The following BANK1 variants were observed in gnomAD, a reference collection of about 807,000 sequenced individuals.
BANK1 encodes B-cell scaffold protein with ankyrin repeats.
In BANK1, 95 loss-of-function variants were observed where a neutral mutation model predicts 94.5. The observed-to-expected ratio is 1.00, with a 90% CI of 0.85 to 1.19. The LOEUF (loss-of-function observed/expected upper bound fraction) is 1.19. Ranked by LOEUF, BANK1 falls within the 50% of genes most tolerant of loss-of-function variation. BANK1 has a pLI of 0.00. For synonymous variants in BANK1, 334 were observed against 308.4 expected, an observed-to-expected ratio of 1.08 and a Z score of -0.87; for missense variants, 987 against 932.2, an observed-to-expected ratio of 1.06 and a Z score of -0.77.
chr4:101,927,527 G>A (rs186704018), intron 7 of BANK1, among the ~76,000 whole-genome samples: 2 of 151,744 alleles, frequency 1.3e-5, no homozygotes, highest in African/African-American at 4.8e-5. Context: ...TACTCCCATA[G>A]TCCAGATGAT....
intron 2 of BANK1, among the ~76,000 whole-genome samples, chr4:101,839,969 TTTTTTTTTTTTTTTTTTG>T (rs2148867261): frequency 1.4e-5 from 1 of 71,222 alleles, no homozygotes; most frequent in African/African-American, 5.2e-5. Flanking sequence ...TTTTTTTTTT[TTTTTTTTTTTTTTTTTTG>T]AGACAGAGTC....
intron 1 of BANK1, among the ~76,000 whole-genome samples, chr4:101,804,082 G>A (rs944241991): frequency 6.8e-6 from 1 of 147,012 alleles, no homozygotes; most frequent in Admixed American, 6.8e-5. Context: ...AAATTATGTC[G>A]ATACTAGTCT....
chr4:101,826,400 T>TA (rs1726366894), intron 1 of BANK1, among the ~76,000 whole-genome samples: 1 of 152,034 alleles, frequency 6.6e-6, no homozygotes, highest in Admixed American at 6.5e-5. Flanking sequence ...CATTAGTACT[T>TA]ACTTAAGAGT....
chr4:101,933,969 G>T (rs1354289950), intron 7 of BANK1, among the ~76,000 whole-genome samples: 1 of 151,416 alleles, frequency 6.6e-6, no homozygotes, highest in Non-Finnish European at 1.5e-5. Flanking sequence ...CTGCCAAACA[G>T]ACAAACAAAA....
At chr4:101,935,399 G>A (rs568395938) in intron 7 of BANK1, among the ~76,000 whole-genome samples, 1 of 151,614 alleles carries the variant, frequency 6.6e-6, no homozygotes, top group South Asian at 2.1e-4. Context: ...TGGCTCATTA[G>A]TGGGGCACTG....
At chr4:101,911,872 A>G (rs1171338051) in intron 6 of BANK1, among the ~76,000 whole-genome samples, 1 of 152,194 alleles carries the variant, frequency 6.6e-6, no homozygotes, top group Non-Finnish European at 1.5e-5. Context: ...CTCTGGACCA[A>G]CACACAAATT....
rs10559889 is a variant in BANK1 at position 102,002,544 on chromosome 4, TACACACACACACACACACAC to T, written c.1207-18944_1207-18925del. 4.1e-5 allele frequency among the ~76,000 whole-genome samples: 6 copies of T among 148,134 alleles called. No individual in the cohort carries two copies. In the South Asian group the frequency reaches 8.6e-4, roughly 21 times the overall value. On this transcript the variant is annotated intron_variant, in intron 7 of 16. Coordinates refer to ENST00000322953, the MANE Select transcript of BANK1 (RefSeq NM_017935.5). ...TGATGGTAGACAATATTAATACAAA[TACACACACACACACACACAC>T]ACACACACACACACACACACACACA...
chr4:102,032,712 G>A lies in BANK1; in HGVS notation c.1900+2447G>A, dbSNP rs771617322. Among the ~76,000 whole-genome samples the A allele has an allele frequency of 1.7e-4, 26 of 151,854 alleles. No homozygotes were observed. In the Middle Eastern group the frequency reaches 0.01, roughly 60 times the overall value. On this transcript the variant is annotated intron_variant, in intron 10 of 16. Coordinates refer to ENST00000322953, the MANE Select transcript of BANK1 (RefSeq NM_017935.5). The stretch of plus-strand genomic sequence containing the variant: ...AGCCTGGCTAACATGATGAAACCCC[G>A]TCTCTACTAAAAATACAAAAAAGTT...
chr4:102,034,302 A>G (rs1727423741), intron 10 of BANK1, among the ~76,000 whole-genome samples: 1 of 152,218 alleles, frequency 6.6e-6, no homozygotes, highest in Non-Finnish European at 1.5e-5. Flanking sequence ...AGGCAAAGGA[A>G]AACCATGCTG....
intron 13 of BANK1, among the ~76,000 whole-genome samples, chr4:102,063,498 C>A (rs943574740): frequency 1.3e-5 from 2 of 151,744 alleles, no homozygotes; most frequent in Non-Finnish European, 1.5e-5. Context: ...GCAAATAGGA[C>A]AACTCTGCTC....
At chr4:101,864,480 GC>G (rs1727995645) in intron 4 of BANK1, among the ~76,000 whole-genome samples, 1 of 152,124 alleles carries the variant, frequency 6.6e-6, no homozygotes, top group African/African-American at 2.4e-5. Context: ...ACAGTAAAGA[GC>G]CCATTTTTAC....
intron 7 of BANK1, among the ~76,000 whole-genome samples, chr4:101,983,463 C>T (rs1285011089): frequency 2.0e-5 from 3 of 151,850 alleles, no homozygotes; most frequent in African/African-American, 7.3e-5. Context: ...CAGTCTCTTC[C>T]ACAATTTGTT....
chr4:101,919,895 C>T (rs964538557), intron 7 of BANK1, among the ~76,000 whole-genome samples: 1 of 151,822 alleles, frequency 6.6e-6, no homozygotes, highest in African/African-American at 2.4e-5. Context: ...GGCCTTTTTG[C>T]AAATGTGTAG....
chr4:102,012,487 C>CT (rs1726543752), intron 7 of BANK1, among the ~76,000 whole-genome samples: 1 of 152,106 alleles, frequency 6.6e-6, no homozygotes, highest in African/African-American at 2.4e-5. Flanking sequence ...ACAATATAAA[C>CT]TTTAAGACTC....
chr4:101,956,113 A>G (rs542141181), intron 7 of BANK1, among the ~76,000 whole-genome samples: 1 of 152,284 alleles, frequency 6.6e-6, no homozygotes, highest in African/African-American at 2.4e-5. Context: ...TTTAAAATAG[A>G]GTTTTCTATG....
chr4:101,849,197 C>G (rs1727374122), intron 2 of BANK1, among the ~76,000 whole-genome samples: 1 of 152,148 alleles, frequency 6.6e-6, no homozygotes, highest in African/African-American at 2.4e-5. Context: ...AGGTTTGGTA[C>G]TTTTTTACTC....
Position 102,072,401 on chromosome 4 carries a change from G to A in BANK1, c.2298+1G>A. ...TTATAATGTACACTTCAGCAATAAG[G>A]TAGGTTGTATTTATTTTGATTTCTA... On this transcript the variant is annotated splice_donor_variant, in intron 15 of 16. Coordinates refer to ENST00000322953, the MANE Select transcript of BANK1 (RefSeq NM_017935.5). LOFTEE classifies it high-confidence loss of function. 6.3e-7 allele frequency: 1 copy of A among 1,583,010 alleles called. No individual in the cohort carries two copies.
intron 10 of BANK1, among the ~76,000 whole-genome samples, chr4:102,039,564 A>G (rs1727640002): frequency 1.3e-5 from 2 of 152,096 alleles, no homozygotes; most frequent in South Asian, 4.1e-4. Flanking sequence ...GGCAGGGAGA[A>G]TAGAGAGCTA....
At chr4:102,030,590 C>G (rs183640428) in intron 10 of BANK1, among the ~76,000 whole-genome samples, 2 of 151,056 alleles carry the variant, frequency 1.3e-5, no homozygotes, top group African/African-American at 4.9e-5. Context: ...CCCAGCCCCC[C>G]ACCCCGCAAC....
Sources: allele counts gnomAD v4.1 joint callset (sites outside exome capture counted in the v4.1 genomes callset), GRCh38; gene constraint gnomAD v4.1.1; transcripts MANE v1.5; gene names NCBI Gene and HGNC (gene_info 2026-07-23, HGNC 2026-07-21).